Variants in REV1 observed in about 807,000 individuals in gnomAD.
REV1 encodes translesion synthesis protein REV1.
REV1 carries 42 observed loss-of-function variants against 137.4 expected under a neutral mutation model. That is an observed-to-expected ratio of 0.31 (90% CI 0.24 to 0.40). REV1 has a LOEUF of 0.40. Among genes scored for constraint, REV1 ranks in the 10% least tolerant of loss-of-function variants. The probability of loss-of-function intolerance (pLI) is 1.00; values close to 1 mark genes in which losing one functional copy is unlikely to be tolerated. For missense variants in REV1, 1,282 were observed against 1,490.1 expected, an observed-to-expected ratio of 0.86 and a Z score of 2.30; for synonymous variants, 524 against 519.2, an observed-to-expected ratio of 1.01 and a Z score of -0.12.
At chr2:99,466,604 T>C (rs1247165748) in intron 1 of REV1, among the ~76,000 whole-genome samples, 1 of 152,214 alleles carries the variant, frequency 6.6e-6, no homozygotes, top group African/African-American at 2.4e-5. Context: ...TTTTTGTTTG[T>C]TGACATTTAT....
At chr2:99,435,596 A>G (rs1451125533) in intron 7 of REV1, 1 of 299,002 alleles carries the variant, frequency 3.3e-6, no homozygotes, top group Non-Finnish European at 6.1e-6. Flanking sequence ...TGCCTACATT[A>G]GTCTTCGATG....
intron 1 of REV1, among the ~76,000 whole-genome samples, chr2:99,483,224 A>T (rs947821375): frequency 6.6e-6 from 1 of 152,170 alleles, no homozygotes; most frequent in Admixed American, 6.5e-5. Flanking sequence ...AGAGCAAAAA[A>T]TCTAAGTAGT....
In REV1 at chr2:99,459,456, C is replaced by T. The variant is rs142311676; in HGVS notation, c.181+3040G>A. 2.5e-3 allele frequency among the ~76,000 whole-genome samples: 376 copies of T among 151,952 alleles called. 1 individual carries two copies. Among genetic ancestry groups the T allele is most frequent in the Admixed American group, 3.9e-3 (59 of 15,262 alleles). ...CATGGTGGCCCATACATGTAATCTC[C>T]ACACTTTGGGAGGCTGAGGCAGAAG... On this transcript the variant is annotated intron_variant, in intron 3 of 22. Coordinates refer to ENST00000258428, the MANE Select transcript of REV1 (RefSeq NM_016316.4).
At chr2:99,421,129 C>T (rs914278119) in intron 11 of REV1, among the ~76,000 whole-genome samples, 2 of 151,922 alleles carry the variant, frequency 1.3e-5, no homozygotes. Context: ...CTCCATGTGC[C>T]GGGAGGCTGA....
In REV1 at chr2:99,424,263, T is replaced by C. The variant is rs1374475192; in HGVS notation, c.1565A>G (p.Asn522Ser). ...SYEARQLGIK[N>S]GMFFGHAKQL... ...TTTAGCATGCCCAAAAAACATTCCG[T>C]TCTTAATGCCAAGTTGCCTAGAGCG... The change falls in exon 10 of 23, where the codon AAC becomes AGC. Residue 522 changes from asparagine (N) to serine (S), a missense_variant. Coordinates refer to ENST00000258428, the MANE Select transcript of REV1 (RefSeq NM_016316.4). 6.2e-7 allele frequency: 1 copy of C among 1,613,660 alleles called. No homozygotes were observed. Among genetic ancestry groups the C allele is most frequent in the African/African-American group, 1.3e-5 (1 of 74,912 alleles).
intron 17 of REV1, chr2:99,405,613 AG>A: frequency 4.2e-6 from 1 of 237,278 alleles, no homozygotes; most frequent in Non-Finnish European, 8.1e-6. Context: ...TGCTGAATAC[AG>A]TAAGTCTGCA....
rs199850949 is a variant in REV1 at position 99,405,944 on chromosome 2, A to G, written c.2777T>C (p.Leu926Pro). 2.5e-4 allele frequency: 410 copies of G among 1,608,002 alleles called. 7 individuals are homozygous for G. The South Asian group carries it at 4.4e-3, about 17-fold the overall frequency. The change falls in exon 17 of 23, where the codon CTT (leucine) becomes CCT (proline). Residue 926 changes from leucine to proline, a missense_variant. Physicochemically the swap from Leu to Pro is moderately conservative, Grantham distance 98. Transcript: ENST00000258428. ...TGACGGGACCTCTATACTCAGGTTA[A>G]GTCTCGACTGCACACTGACAGGAGT... Reference protein sequence around the residue: ...LHTPVSVQSRLNLSIEVPSPS... With the variant: ...LHTPVSVQSRPNLSIEVPSPS...
chr2:99,474,085 C>T (rs1457687757), intron 1 of REV1, among the ~76,000 whole-genome samples: 1 of 152,252 alleles, frequency 6.6e-6, no homozygotes, highest in African/African-American at 2.4e-5. Flanking sequence ...CACCTATTAA[C>T]TGACACTTTA....
intron 2 of REV1, among the ~76,000 whole-genome samples, chr2:99,464,660 T>C (rs923559740): frequency 6.6e-6 from 1 of 152,218 alleles, no homozygotes; most frequent in Admixed American, 6.5e-5. Context: ...TCTGTATTAT[T>C]AGCAATGCTG....
chr2:99,419,959 C>T (rs533568853), intron 11 of REV1, among the ~76,000 whole-genome samples: 1 of 152,108 alleles, frequency 6.6e-6, no homozygotes, highest in Non-Finnish European at 1.5e-5. Flanking sequence ...GTAGTGAGTT[C>T]AGGGGAGGGG....
chr2:99,440,645 C>A (rs2104841834), intron 5 of REV1, among the ~76,000 whole-genome samples: 1 of 152,286 alleles, frequency 6.6e-6, no homozygotes, highest in South Asian at 2.1e-4. Context: ...TTGTCACATG[C>A]AGAGAAAGTT....
At chr2:99,471,620 T>G (rs1685418669) in intron 1 of REV1, among the ~76,000 whole-genome samples, 1 of 151,822 alleles carries the variant, frequency 6.6e-6, no homozygotes, top group African/African-American at 2.4e-5. Flanking sequence ...TAAAAGGCAA[T>G]CCACAGAATG....
chr2:99,443,610 C>T (rs1265709553), intron 4 of REV1, among the ~76,000 whole-genome samples: 1 of 152,026 alleles, frequency 6.6e-6, no homozygotes, highest in Non-Finnish European at 1.5e-5. Context: ...ACAATTCTAC[C>T]TAAAGTACCT....
rs550889733 is a variant in REV1, at chr2:99,483,997, G to C, written c.-11+5820C>G. Among the ~76,000 whole-genome samples, 3 of 151,914 alleles carry C rather than the reference G, an allele frequency of 2.0e-5. No individual in the cohort carries two copies. The Admixed American group carries it at 2.0e-4, about 10-fold the overall frequency. On this transcript the variant is annotated intron_variant, in intron 1 of 22. Transcript: ENST00000258428. Reference sequence around the variant, plus strand: ...TATTCTTACAAATTAAAAAAGCCTTGCAAGGAAATGTCAGAAACCATTAAA... The same window carrying C: ...TATTCTTACAAATTAAAAAAGCCTTCCAAGGAAATGTCAGAAACCATTAAA...
intron 17 of REV1, among the ~76,000 whole-genome samples, chr2:99,404,880 A>T (rs541454234): frequency 6.6e-6 from 1 of 152,330 alleles, no homozygotes; most frequent in East Asian, 1.9e-4. Context: ...CTGAAGTACT[A>T]TGTGTAGTCT....
chr2:99,447,655 G>A (rs1263139432), intron 4 of REV1, among the ~76,000 whole-genome samples: 2 of 152,034 alleles, frequency 1.3e-5, no homozygotes, highest in Non-Finnish European at 2.9e-5. Flanking sequence ...CATAACCACA[G>A]CAGGCAGATA....
intron 1 of REV1, among the ~76,000 whole-genome samples, chr2:99,486,520 C>T (rs527265141): frequency 0.016 from 1,988 of 122,198 alleles, 45 homozygotes; most frequent in African/African-American, 0.063. Context: ...CAGAGCGAGA[C>T]TCCATCTCAA....
intron 13 of REV1, 37 bp from the exon 14 acceptor site, chr2:99,410,904 C>T (rs1012336122): frequency 6.5e-7 from 1 of 1,531,174 alleles, no homozygotes; most frequent in Admixed American, 2.2e-5. Flanking sequence ...TACCATTCCA[C>T]TTTCCTATAT....
At chr2:99,481,441 T>C (rs1019170291) in intron 1 of REV1, among the ~76,000 whole-genome samples, 3 of 152,238 alleles carry the variant, frequency 2.0e-5, no homozygotes, top group Non-Finnish European at 4.4e-5. Flanking sequence ...CTTCTATCCA[T>C]ATTCAAATGC....
Sources: gnomAD v4.1 joint callset for allele counts (sites outside exome capture counted in the v4.1 genomes callset) on GRCh38, gnomAD v4.1.1 for gene constraint, MANE v1.5 for transcripts, NCBI Gene and HGNC (gene_info 2026-07-23, HGNC 2026-07-21) for gene names.